Variants in VPS13A observed in about 807,000 individuals in gnomAD.
VPS13A encodes the protein intermembrane lipid transfer protein VPS13A.
Under a neutral mutation model 390.9 loss-of-function variants are expected in VPS13A, and 264 were observed. The observed-to-expected ratio is 0.68, with a 90% CI of 0.61 to 0.75. The LOEUF is 0.75. Ranked by LOEUF, VPS13A falls within the 30% of genes least tolerant of loss-of-function variation. The pLI, the probability that VPS13A is intolerant of heterozygous loss-of-function variation, is 0.00. For missense variants in VPS13A, 3,409 were observed against 3,733.9 expected (o/e 0.91, Z 2.27); for synonymous variants, 1,231 against 1,227.1 (o/e 1.00, Z -0.07).
chr9:77,207,331 A>G (rs1825739079), intron 5 of VPS13A, among the ~76,000 whole-genome samples: 1 of 146,470 alleles, frequency 6.8e-6, no homozygotes, highest in South Asian at 2.1e-4. Context: ...ATGACATTAC[A>G]TATTTTAAAC....
chr9:77,380,952 G>A (rs528685421), intron 67 of VPS13A, among the ~76,000 whole-genome samples: 4 of 152,332 alleles, frequency 2.6e-5, no homozygotes, highest in South Asian at 2.1e-4. Flanking sequence ...CCTGCTGCAC[G>A]ACTCAGTTCC....
chr9:77,226,900 A>G (rs571677398), intron 15 of VPS13A, among the ~76,000 whole-genome samples: 1 of 152,098 alleles, frequency 6.6e-6, no homozygotes, highest in South Asian at 2.1e-4. Context: ...TTTTTATTGA[A>G]GTTGTTTCTT....
chr9:77,178,083 G>A (rs1039637117), intron 1 of VPS13A: 5 of 385,010 alleles, frequency 1.3e-5, no homozygotes, highest in Non-Finnish European at 2.5e-5. Context: ...GGGCTCCGTG[G>A]GTCTGGCGTT....
At chr9:77,184,047 A>G (rs1320726662) in intron 1 of VPS13A, among the ~76,000 whole-genome samples, 1 of 152,206 alleles carries the variant, frequency 6.6e-6, no homozygotes, top group Non-Finnish European at 1.5e-5. Flanking sequence ...TTAGAGTGCA[A>G]TATTTGCTTA....
intron 19 of VPS13A, among the ~76,000 whole-genome samples, chr9:77,243,479 G>A (rs1338050771): frequency 6.6e-6 from 1 of 152,062 alleles, no homozygotes; most frequent in Admixed American, 6.6e-5. Flanking sequence ...AGGTCTTTCA[G>A]GTCTTTTTGT....
rs1475444003 is a variant in VPS13A, at chr9:77,360,313, CTGTA to C, written c.8106-220_8106-217del. Reference sequence around the variant, plus strand: ...ATATATAATATTCTGTTTTATGACTCTGTATGACAGTTTACTTATCTGGTTCCTC... The same window carrying C: ...ATATATAATATTCTGTTTTATGACTCTGACAGTTTACTTATCTGGTTCCTC... On this transcript the variant is annotated intron_variant, in intron 58 of 71. Coordinates refer to ENST00000360280, the MANE Select transcript of VPS13A (RefSeq NM_033305.3). Among the ~76,000 whole-genome samples the C allele has an allele frequency of 3.9e-5, 6 of 152,152 alleles. No individual in the cohort carries two copies. In the East Asian group the frequency reaches 5.8e-4, roughly 15 times the overall value.
At position 77,417,952 on chromosome 9, in the gene VPS13A, G is replaced by A. The variant is rs1392450637; in HGVS notation, c.*1946G>A. The A allele has an allele frequency of 6.6e-6, 1 of 151,950 alleles. No homozygotes were observed. The highest frequency in any genetic ancestry group is 1.5e-5 in the Non-Finnish European group (1 of 68,016). 9.4% of individuals were successfully genotyped at this position (151,950 alleles called of 1,614,324 possible). Reference sequence around the variant, plus strand: ...TCCTCCCATCACTTCCTTGTCTCTAGACTAGAGGGACCCACAGTTTTAAGA... The same window carrying A: ...TCCTCCCATCACTTCCTTGTCTCTAAACTAGAGGGACCCACAGTTTTAAGA... On this transcript the variant is annotated 3_prime_UTR_variant, in exon 72 of 72. Coordinates refer to ENST00000360280, the MANE Select transcript of VPS13A (RefSeq NM_033305.3).
At chr9:77,285,812 C>T (rs1401973871) in intron 31 of VPS13A, among the ~76,000 whole-genome samples, 4 of 152,210 alleles carry the variant, frequency 2.6e-5, no homozygotes, top group African/African-American at 4.8e-5. Flanking sequence ...GAGATCCACA[C>T]ACTGCATTTG....
At chr9:77,284,388 A>G (rs2131352256) in intron 31 of VPS13A, among the ~76,000 whole-genome samples, 1 of 152,312 alleles carries the variant, frequency 6.6e-6, no homozygotes, top group East Asian at 1.9e-4. Flanking sequence ...ACTGATTTTT[A>G]TGTTTAAAAA....
intron 20 of VPS13A, among the ~76,000 whole-genome samples, chr9:77,248,453 A>C (rs1005182825): frequency 1.3e-5 from 2 of 151,774 alleles, no homozygotes; most frequent in Admixed American, 1.3e-4. Context: ...CTCCTGACCT[A>C]GTGATCTGCC....
intron 19 of VPS13A, among the ~76,000 whole-genome samples, chr9:77,241,044 C>G (rs1344991605): frequency 6.6e-6 from 1 of 152,050 alleles, no homozygotes; most frequent in Non-Finnish European, 1.5e-5. Flanking sequence ...CACTGGATTT[C>G]ATGAATCTGA....
At chr9:77,312,909 A>G (rs1175071219) in intron 35 of VPS13A, among the ~76,000 whole-genome samples, 1 of 152,192 alleles carries the variant, frequency 6.6e-6, no homozygotes, top group Non-Finnish European at 1.5e-5. Context: ...TAACAGAGCA[A>G]TTCCAGACCT....
intron 33 of VPS13A, among the ~76,000 whole-genome samples, chr9:77,302,486 C>A (rs1828438012): frequency 6.6e-6 from 1 of 150,902 alleles, no homozygotes; most frequent in Non-Finnish European, 1.5e-5. Context: ...AATTCTCCCA[C>A]CTCAGCCTCC....
At chr9:77,352,323 TG>T (rs890767140) in intron 53 of VPS13A, among the ~76,000 whole-genome samples, 9 of 152,092 alleles carry the variant, frequency 5.9e-5, no homozygotes, top group Admixed American at 4.6e-4. Context: ...TGACTCCTGA[TG>T]TTTTTTTTTC....
Position 77,419,470 on chromosome 9 carries a change from T to TG in VPS13A, c.*3466dup, listed in dbSNP as rs978003766. 1.3e-5 allele frequency: 2 copies of TG among 152,188 alleles called. No individual in the cohort carries two copies. The highest frequency in any genetic ancestry group is 4.8e-5 in the African/African-American group (2 of 41,454). The allele number at this position is 152,188 out of a possible 1,614,324, so 9.4% of individuals were successfully genotyped here. Reference sequence around the variant, plus strand: ...GAGGCACCGGCCATCCAGTGATTGTTGGAAGAGTCTGGATTGTGTGGAGCC... The same window carrying TG: ...GAGGCACCGGCCATCCAGTGATTGTTGGGAAGAGTCTGGATTGTGTGGAGCC... On this transcript the variant is annotated 3_prime_UTR_variant, in exon 72 of 72. Transcript: ENST00000360280.
chr9:77,322,678 G>A (rs1829815251), intron 44 of VPS13A, among the ~76,000 whole-genome samples: 1 of 151,884 alleles, frequency 6.6e-6, no homozygotes, highest in South Asian at 2.1e-4. Context: ...AAGGAAAAGT[G>A]ACACAAGTTG....
chr9:77,273,389 T>A, intron 24 of VPS13A, 25 bp downstream of exon 24: 1 of 1,532,240 alleles, frequency 6.5e-7, no homozygotes, highest in Non-Finnish European at 8.9e-7. Context: ...CTTAAGGATA[T>A]TTTTCTTATT....
At chr9:77,203,742 A>C (rs1825470465) in intron 3 of VPS13A, among the ~76,000 whole-genome samples, 1 of 152,338 alleles carries the variant, frequency 6.6e-6, no homozygotes, top group Non-Finnish European at 1.5e-5. Context: ...CTGTTGGTAC[A>C]TTTATAAATA....
intron 57 of VPS13A, among the ~76,000 whole-genome samples, chr9:77,358,934 C>T (rs893771641): frequency 2.0e-5 from 3 of 152,108 alleles, no homozygotes; most frequent in African/African-American, 7.2e-5. Flanking sequence ...GCTTTCCCAC[C>T]TCCACCCCAC....
Sources: gnomAD v4.1 joint callset for allele counts (sites outside exome capture counted in the v4.1 genomes callset) on GRCh38, gnomAD v4.1.1 for gene constraint, MANE v1.5 for transcripts, NCBI Gene and HGNC (gene_info 2026-07-23, HGNC 2026-07-21) for gene names.